The following DNAH7 variants were observed in gnomAD, a reference collection of about 807,000 sequenced individuals.
DNAH7 encodes the protein axonemal beta dynein heavy chain 7.
In DNAH7, 397 loss-of-function variants were observed where a neutral mutation model predicts 444.6. The ratio of observed to expected loss-of-function variants is 0.89; its 90% CI spans 0.82 to 0.97. DNAH7 has a LOEUF of 0.97. Among genes scored for constraint, DNAH7 ranks in the 50% least tolerant of loss-of-function variants. DNAH7 has a pLI of 0.00. For missense variants in DNAH7, 4,902 were observed against 4,800.8 expected, an observed-to-expected ratio of 1.02 and a Z score of -0.62; for synonymous variants, 1,636 against 1,624.4, an observed-to-expected ratio of 1.01 and a Z score of -0.17.
At chr2:195,865,144 T>G (rs1040988325) in intron 40 of DNAH7, 123 bp from the exon 41 acceptor site, 2 of 877,418 alleles carry the variant, frequency 2.3e-6, no homozygotes, top group African/African-American at 3.4e-5. Context: ...TTATTAAAAG[T>G]ATATCCAAAT....
intron 15 of DNAH7, 21 bp downstream of exon 15, chr2:195,984,611 T>C (rs1235626664): frequency 2.5e-6 from 4 of 1,603,530 alleles, no homozygotes; most frequent in Non-Finnish European, 3.4e-6. Flanking sequence ...CACACAATTA[T>C]GGAGAAGCTA....
intron 38 of DNAH7, among the ~76,000 whole-genome samples, chr2:195,874,070 T>C (rs1230616815): frequency 6.6e-6 from 1 of 152,206 alleles, no homozygotes; most frequent in Admixed American, 6.5e-5. Flanking sequence ...AATATTAACG[T>C]AACTCTGGTG....
At chr2:195,836,314 C>T (rs1698370002) in intron 47 of DNAH7, among the ~76,000 whole-genome samples, 1 of 152,112 alleles carries the variant, frequency 6.6e-6, no homozygotes, top group Admixed American at 6.6e-5. Flanking sequence ...CCCAGGAGTT[C>T]GAGACCAGCA....
chr2:195,785,694 C>T (rs551692806), intron 58 of DNAH7, among the ~76,000 whole-genome samples: 106 of 151,644 alleles, frequency 7.0e-4, no homozygotes, highest in African/African-American at 2.4e-3. Flanking sequence ...CTTCTTCAGC[C>T]TTCTAATTCA....
chr2:195,759,036 C>G (rs1694217756), intron 61 of DNAH7, among the ~76,000 whole-genome samples: 1 of 152,202 alleles, frequency 6.6e-6, no homozygotes, highest in African/African-American at 2.4e-5. Flanking sequence ...GGGGGGCATG[C>G]CATCTAGTGA....
intron 62 of DNAH7, among the ~76,000 whole-genome samples, chr2:195,754,740 T>C (rs1420632610): frequency 6.6e-6 from 1 of 152,066 alleles, no homozygotes; most frequent in Non-Finnish European, 1.5e-5. Flanking sequence ...CTTGAACTCC[T>C]AGACTCAAGC....
chr2:195,921,352 TACACACACACAC>T lies in DNAH7; in HGVS notation c.3935+724_3935+735del, dbSNP rs140152411. 1.9e-3 allele frequency among the ~76,000 whole-genome samples: 267 copies of T among 140,460 alleles called. 1 individual carries two copies. Among genetic ancestry groups the T allele is most frequent in the African/African-American group, 5.5e-3 (211 of 38,420 alleles). 92.1% of individuals were successfully genotyped at this position (140,460 alleles called of 152,430 possible). ...ATGAGTGGATAAAGAAAATGTGGTG[TACACACACACAC>T]ACACACACACACACACACACACACA... On this transcript the variant is annotated intron_variant, in intron 24 of 64. Coordinates refer to ENST00000312428, the MANE Select transcript of DNAH7 (RefSeq NM_018897.3).
At chr2:195,965,951 T>G (rs1691446756) in intron 17 of DNAH7, among the ~76,000 whole-genome samples, 1 of 152,098 alleles carries the variant, frequency 6.6e-6, no homozygotes, top group Non-Finnish European at 1.5e-5. Context: ...TTGCAATTTT[T>G]AAATTTCTGC....
At chr2:195,779,607 G>GTT (rs201455996) in intron 58 of DNAH7, among the ~76,000 whole-genome samples, 1 of 151,270 alleles carries the variant, frequency 6.6e-6, no homozygotes, top group African/African-American at 2.4e-5. Context: ...GTATTGTAGG[G>GTT]TTTTTTTTGT....
chr2:195,872,777 T>C (rs556272102), intron 39 of DNAH7, among the ~76,000 whole-genome samples: 1 of 152,198 alleles, frequency 6.6e-6, no homozygotes, highest in African/African-American at 2.4e-5. Flanking sequence ...GATTATGTAA[T>C]CCCAAATCCA....
At position 195,957,273 on chromosome 2, in the gene DNAH7, T is replaced by C; in HGVS notation, c.3066A>G (p.Arg1022=). 6.5e-7 allele frequency: 1 copy of C among 1,543,718 alleles called. No individual in the cohort carries two copies. The highest frequency in any genetic ancestry group is 8.8e-7 in the Non-Finnish European group (1 of 1,135,190). ...TTTTTTCACCTACCTGCATGACACT[T>C]CTCATTATATCTCTCCATGTCTTAT... The part of the protein sequence containing the change: ...AVDKTWRDIM[R]SVMQDKHVLT... Residue 1022 remains arginine, a synonymous_variant, in exon 19 of 65, where the codon AGA becomes AGG. Transcript: ENST00000312428.
At chr2:195,854,333 C>T (rs1699570184) in intron 45 of DNAH7, among the ~76,000 whole-genome samples, 1 of 152,038 alleles carries the variant, frequency 6.6e-6, no homozygotes, top group Non-Finnish European at 1.5e-5. Flanking sequence ...CAACAATCAA[C>T]AAAAACGAAG....
rs752437766 is a variant in DNAH7, at chr2:195,794,421, T to C, written c.10633A>G (p.Lys3545Glu). ...CGAATGATATTAGCCCGTAAACCTT[T>C]TGGTGCTTCATTGGTCATTTTCACT... ...NGVKMTNEAP[K>E]GLRANIIRSY... Residue 3545 changes from lysine (K) to glutamate (E), a missense_variant, in exon 57 of 65, where the codon AAA becomes GAA. Coordinates refer to ENST00000312428, the MANE Select transcript of DNAH7 (RefSeq NM_018897.3). 21 of 1,614,134 alleles carry C rather than the reference T, an allele frequency of 1.3e-5. No individual in the cohort carries two copies. In the South Asian group the frequency reaches 2.1e-4, roughly 16 times the overall value.
chr2:195,948,165 A>C (rs187014210), intron 19 of DNAH7, among the ~76,000 whole-genome samples: 8 of 152,088 alleles, frequency 5.3e-5, no homozygotes, highest in African/African-American at 1.9e-4. Flanking sequence ...AAATTGGCTT[A>C]AGTTCATTGT....
At chr2:195,922,046 G>A (rs1177649599) in intron 24 of DNAH7, 42 bp downstream of exon 24, 3 of 1,173,206 alleles carry the variant, frequency 2.6e-6, no homozygotes, top group South Asian at 2.5e-5. Flanking sequence ...ACAGGGGTGA[G>A]TGAAAGTTAT....
chr2:195,853,288 T>A, intron 46 of DNAH7, 55 bp downstream of exon 46: 1 of 1,508,826 alleles, frequency 6.6e-7, no homozygotes. Flanking sequence ...CCTTGAAGGG[T>A]TATATTGGCT....
intron 5 of DNAH7, among the ~76,000 whole-genome samples, chr2:196,032,039 A>G (rs1696090823): frequency 2.0e-5 from 3 of 152,230 alleles, no homozygotes; most frequent in South Asian, 4.1e-4. Context: ...GCAATTTACA[A>G]AAGAAATAGG....
At chr2:195,994,291 C>A in intron 12 of DNAH7, 2 of 434,556 alleles carry the variant, frequency 4.6e-6, no homozygotes, top group Admixed American at 3.4e-5. Context: ...TTTTCCAAAT[C>A]ATCAGCATCA....
At chr2:195,977,401 GAAGA>G (rs371830436) in intron 15 of DNAH7, among the ~76,000 whole-genome samples, 4 of 152,094 alleles carry the variant, frequency 2.6e-5, no homozygotes, top group African/African-American at 9.7e-5. Context: ...TTATCAAAAA[GAAGA>G]AAGAATTAGT....
Sources: allele counts gnomAD v4.1 joint callset (sites outside exome capture counted in the v4.1 genomes callset), GRCh38; gene constraint gnomAD v4.1.1; transcripts MANE v1.5; gene names NCBI Gene and HGNC (gene_info 2026-07-23, HGNC 2026-07-21).